Variants in LINGO1 observed in about 807,000 individuals in gnomAD.
The protein encoded by LINGO1 is leucine-rich repeat and immunoglobulin-like domain-containing nogo receptor-interacting protein 1.
Under a neutral mutation model 37.3 loss-of-function variants are expected in LINGO1, and 11 were observed. The observed-to-expected ratio is 0.29, with a 90% CI of 0.19 to 0.49. LINGO1 has a LOEUF of 0.49. LINGO1 is among the 20% of genes least tolerant of loss of function. LINGO1 has a pLI of 0.99. For synonymous variants in LINGO1, 387 were observed against 403.0 expected (o/e 0.96, Z 0.48); for missense variants, 585 against 878.2 (o/e 0.67, Z 4.22).
chr15:77,638,511 C>G (rs193154311), upstream of LINGO1, among the ~76,000 whole-genome samples: 954 of 152,332 alleles, frequency 6.3e-3, 14 homozygotes, highest in African/African-American at 0.022. Context: ...TCGGCTGTCC[C>G]CATGGATCAT....
intron 3 of LINGO1, among the ~76,000 whole-genome samples, chr15:77,652,483 A>AGTGTGTATGTGT (rs1555525722): frequency 3.1e-5 from 4 of 128,878 alleles, no homozygotes; most frequent in African/African-American, 1.3e-4. Context: ...GGGGAGGGAG[A>AGTGTGTATGTGT]GTGTGTGTGT....
chr15:77,738,664 C>T (rs371493514), intron 1 of LINGO1, among the ~76,000 whole-genome samples: 5 of 152,124 alleles, frequency 3.3e-5, no homozygotes, highest in East Asian at 1.9e-4. Context: ...AGGCAGGGCC[C>T]GAAGCCACCT....
intron 1 of LINGO1, among the ~76,000 whole-genome samples, chr15:77,786,245 G>C (rs8039692): frequency 0.95 from 145,181 of 152,040 alleles, 69,362 homozygotes; most frequent in Admixed American, 0.97. Context: ...AGGGAGGTTA[G>C]TATGCCACTT....
At chr15:77,654,239 G>A (rs1410831445) in intron 3 of LINGO1, among the ~76,000 whole-genome samples, 1 of 152,208 alleles carries the variant, frequency 6.6e-6, no homozygotes, top group Admixed American at 6.5e-5. Flanking sequence ...ATTACCGTGA[G>A]TTGTTTGAAA....
intron 1 of LINGO1, among the ~76,000 whole-genome samples, chr15:77,749,862 G>C (rs745642994): frequency 2.6e-5 from 4 of 152,200 alleles, no homozygotes; most frequent in African/African-American, 4.8e-5. Context: ...CTGGTAAGAG[G>C]AAGTAGGGTG....
Position 77,613,991 on chromosome 15 carries a change from C to G in LINGO1, c.*53G>C. On this transcript the variant is annotated 3_prime_UTR_variant, in exon 2 of 2. Transcript: ENST00000355300. ...GACTGGAGAGTGAGCAGGTGGCGGC[C>G]AGGCCCCTTCCCCTGCCCGGCCGCC... 6.9e-7 allele frequency: 1 copy of G among 1,443,118 alleles called. No individual in the cohort carries two copies. The highest frequency in any genetic ancestry group is 9.4e-7 in the Non-Finnish European group (1 of 1,067,456). 89.4% of individuals were successfully genotyped at this position (1,443,118 alleles called of 1,614,324 possible).
intron 2 of LINGO1, among the ~76,000 whole-genome samples, chr15:77,714,002 A>G (rs1290384856): frequency 1.3e-5 from 2 of 151,900 alleles, no homozygotes; most frequent in Non-Finnish European, 2.9e-5. Flanking sequence ...AACACCATCT[A>G]CAGCTGCTGG....
chr15:77,766,330 G>A (rs1596205258), intron 1 of LINGO1, among the ~76,000 whole-genome samples: 2 of 129,828 alleles, frequency 1.5e-5, no homozygotes, highest in Non-Finnish European at 3.2e-5. Flanking sequence ...CACAAACAGA[G>A]AGAGAGAGAA....
At chr15:77,619,717 A>AAAAT (rs2073859627) in intron 1 of LINGO1, among the ~76,000 whole-genome samples, 1 of 147,520 alleles carries the variant, frequency 6.8e-6, no homozygotes, top group South Asian at 2.1e-4. Context: ...AAAATAAAAT[A>AAAAT]AAATAAAATA....
At chr15:77,692,037 G>T (rs1372642812) in intron 1 of LINGO1, among the ~76,000 whole-genome samples, 3 of 152,224 alleles carry the variant, frequency 2.0e-5, no homozygotes, top group Admixed American at 6.5e-5. Flanking sequence ...AGTGGGGCTT[G>T]AACACTTGAT....
chr15:77,806,271 G>C lies in LINGO1; in HGVS notation c.-457-10218C>G, dbSNP rs116091818. Among the ~76,000 whole-genome samples, 939 of 152,244 alleles carry C rather than the reference G, an allele frequency of 6.2e-3. 12 individuals carry two copies. Among genetic ancestry groups the C allele is most frequent in the African/African-American group, 0.021 (886 of 41,536 alleles). Reference sequence around the variant, plus strand: ...GACGCGAGGGCAGAGGCGGCCCTCCGAGAATGCCCAGTGATGATTCCTCTC... The same window carrying C: ...GACGCGAGGGCAGAGGCGGCCCTCCCAGAATGCCCAGTGATGATTCCTCTC... On this transcript the variant is annotated intron_variant, in intron 1 of 5. Transcript: ENST00000562933.
Position 77,692,106 on chromosome 15 carries a change from G to A in LINGO1, c.-280-1205C>T, listed in dbSNP as rs74405932. Among the ~76,000 whole-genome samples the A allele has an allele frequency of 2.5e-3, 385 of 152,288 alleles. 5 individuals are homozygous for A. Among genetic ancestry groups the A allele is most frequent in the African/African-American group, 8.2e-3 (340 of 41,562 alleles). On this transcript the variant is annotated intron_variant, in intron 1 of 3. Coordinates refer to the LINGO1 transcript ENST00000559893. ...CTTTGTGCCATGATGGCAGCATTAC[G>A]GCTGCCCTTTCCTTCTTACTTACTC...
chr15:77,737,417 G>C (rs1011587053), intron 1 of LINGO1, among the ~76,000 whole-genome samples: 3 of 152,050 alleles, frequency 2.0e-5, no homozygotes, highest in Non-Finnish European at 4.4e-5. Context: ...GGGAAGAAAG[G>C]AGAAAGGGAG....
intron 1 of LINGO1, among the ~76,000 whole-genome samples, chr15:77,742,124 G>A (rs756394950): frequency 4.6e-5 from 7 of 152,198 alleles, no homozygotes; most frequent in Non-Finnish European, 7.3e-5. Context: ...CAGAGGGGCC[G>A]CTCCCAGGGA....
chr15:77,644,835 G>A (rs995544593), intron 3 of LINGO1, among the ~76,000 whole-genome samples: 12 of 152,154 alleles, frequency 7.9e-5, no homozygotes, highest in African/African-American at 2.7e-4. Flanking sequence ...CCCTGGTGAC[G>A]AGCGGTTTAG....
intron 1 of LINGO1, among the ~76,000 whole-genome samples, chr15:77,800,771 G>A (rs1202566902): frequency 6.6e-6 from 1 of 152,024 alleles, no homozygotes; most frequent in African/African-American, 2.4e-5. Context: ...AAAGTTAAAA[G>A]GCAAATGAGA....
chr15:77,687,841 A>G (rs1392536142), intron 2 of LINGO1, among the ~76,000 whole-genome samples: 3 of 152,228 alleles, frequency 2.0e-5, no homozygotes, highest in Admixed American at 2.0e-4. Flanking sequence ...CTCCCGTCAC[A>G]GGGCCTGAAA....
chr15:77,668,724 C>G (rs1441665478), intron 3 of LINGO1, among the ~76,000 whole-genome samples: 1 of 151,694 alleles, frequency 6.6e-6, no homozygotes, highest in East Asian at 1.9e-4. Context: ...GAAACACATA[C>G]ATTGTACGGT....
chr15:77,814,115 GC>G, intron 1 of LINGO1, among the ~76,000 whole-genome samples: 1 of 152,292 alleles, frequency 6.6e-6, no homozygotes. Context: ...GTCCATGACA[GC>G]CTGTCCTTGT....
Sources: allele counts gnomAD v4.1 joint callset (sites outside exome capture counted in the v4.1 genomes callset), GRCh38; gene constraint gnomAD v4.1.1; transcripts MANE v1.5; gene names NCBI Gene and HGNC (gene_info 2026-07-23, HGNC 2026-07-21).